The following TAFA5 variants were observed in gnomAD, a reference collection of about 807,000 sequenced individuals.
TAFA5 encodes TAFA chemokine like family member 5.
In TAFA5, 6 loss-of-function variants were observed where a neutral mutation model predicts 15.3. The ratio of observed to expected loss-of-function variants is 0.39; its 90% CI spans 0.21 to 0.77. TAFA5 has a LOEUF of 0.77. Among genes scored for constraint, TAFA5 ranks in the 30% least tolerant of loss-of-function variants. TAFA5 has a pLI of 0.41. For synonymous variants in TAFA5, 103 were observed against 80.7 expected, an observed-to-expected ratio of 1.28 and a Z score of -1.48; for missense variants, 161 against 193.1, an observed-to-expected ratio of 0.83 and a Z score of 0.98.
chr22:48,505,406 A>G (rs1920984359), intron 1 of TAFA5, among the ~76,000 whole-genome samples: 1 of 152,144 alleles, frequency 6.6e-6, no homozygotes, highest in South Asian at 2.1e-4. Context: ...GGCAGGCTTC[A>G]TGGGCCCCCT....
chr22:48,693,206 C>T, intron 2 of TAFA5: 2 of 1,285,774 alleles, frequency 1.6e-6, no homozygotes, highest in South Asian at 1.4e-5. Context: ...AGTGACGGGG[C>T]CTCACTCGTC....
chr22:48,646,556 G>A lies in TAFA5; in HGVS notation c.113-41G>A, dbSNP rs775622012. On this transcript the variant is annotated intron_variant, in intron 1 of 3. Transcript: ENST00000402357. ...GGTGGGCTCTGGCTGTGGGGTGTCTGTAACGTGTGGCCGCTCAGTCGCTTC... is the reference window on the plus strand; with the variant it reads ...GGTGGGCTCTGGCTGTGGGGTGTCTATAACGTGTGGCCGCTCAGTCGCTTC... 2.5e-6 allele frequency: 4 copies of A among 1,603,516 alleles called. No homozygotes were observed. In the South Asian group the frequency reaches 4.5e-5, roughly 18 times the overall value.
chr22:48,612,567 C>T (rs1476081075), intron 1 of TAFA5, among the ~76,000 whole-genome samples: 2 of 152,114 alleles, frequency 1.3e-5, no homozygotes, highest in Non-Finnish European at 2.9e-5. Context: ...CAGCAGCCCT[C>T]GCCTAATGGG....
intron 1 of TAFA5, among the ~76,000 whole-genome samples, chr22:48,597,724 C>T (rs1179216876): frequency 1.3e-5 from 2 of 152,256 alleles, no homozygotes; most frequent in Admixed American, 1.3e-4. Context: ...CCTTCATTGT[C>T]ATCCTTTCAG....
At chr22:48,725,242 G>A (rs146323499) in intron 3 of TAFA5, among the ~76,000 whole-genome samples, 1,749 of 152,274 alleles carry the variant, frequency 0.011, 31 homozygotes, top group African/African-American at 0.038. Context: ...CGAGCTCCCC[G>A]CCATGCCCCA....
chr22:48,571,786 G>C (rs1923602592), intron 1 of TAFA5, among the ~76,000 whole-genome samples: 1 of 151,568 alleles, frequency 6.6e-6, no homozygotes, highest in African/African-American at 2.4e-5. Context: ...AATGAAAGTT[G>C]GATGTTTAAT....
intron 1 of TAFA5, among the ~76,000 whole-genome samples, chr22:48,502,281 G>A (rs1306719241): frequency 2.6e-5 from 4 of 152,128 alleles, no homozygotes; most frequent in Non-Finnish European, 4.4e-5. Flanking sequence ...CAATGGGATT[G>A]GACTGGGAGA....
At chr22:48,496,060 G>C (rs1002713623) in intron 1 of TAFA5, among the ~76,000 whole-genome samples, 51 of 152,268 alleles carry the variant, frequency 3.3e-4, no homozygotes, top group Non-Finnish European at 4.8e-4. Flanking sequence ...AAATGCAGTG[G>C]ATGCAGGAAG....
intron 2 of TAFA5, among the ~76,000 whole-genome samples, chr22:48,703,010 G>A (rs1297914873): frequency 6.6e-6 from 1 of 152,278 alleles, no homozygotes; most frequent in Non-Finnish European, 1.5e-5. Flanking sequence ...GCTGAGAGCA[G>A]GCGAGAGTGT....
chr22:48,726,786 T>C (rs756949231), intron 3 of TAFA5, among the ~76,000 whole-genome samples: 18 of 152,200 alleles, frequency 1.2e-4, no homozygotes, highest in South Asian at 4.1e-4. Flanking sequence ...TATATGGCAT[T>C]TTCAAATAGC....
chr22:48,499,995 T>G (rs965991854), intron 1 of TAFA5, among the ~76,000 whole-genome samples: 1 of 152,144 alleles, frequency 6.6e-6, no homozygotes, highest in Non-Finnish European at 1.5e-5. Flanking sequence ...ACTCCATGTG[T>G]CTTAAACCAA....
At position 48,602,476 on chromosome 22, in the gene TAFA5, C is replaced by T. The variant is rs139986915; in HGVS notation, c.113-44121C>T. Among the ~76,000 whole-genome samples, 668 of 152,270 alleles carry T rather than the reference C, an allele frequency of 4.4e-3. 3 individuals are homozygous for T. Among genetic ancestry groups the T allele is most frequent in the African/African-American group, 0.014 (597 of 41,564 alleles). On this transcript the variant is annotated intron_variant, in intron 1 of 3. Transcript: ENST00000402357. ...GGATGGAACACGCCCAGGAGGCATCCGTGGAGGTGGGTCCATCAGCGTTTC... is the reference window on the plus strand; with the variant it reads ...GGATGGAACACGCCCAGGAGGCATCTGTGGAGGTGGGTCCATCAGCGTTTC...
chr22:48,583,420 CA>C (rs1924174019), intron 1 of TAFA5, among the ~76,000 whole-genome samples: 1 of 146,210 alleles, frequency 6.8e-6, no homozygotes, highest in Non-Finnish European at 1.5e-5. Flanking sequence ...ATACGCCACA[CA>C]CACACCACAC....
chr22:48,619,729 C>T (rs1925736855), intron 1 of TAFA5, among the ~76,000 whole-genome samples: 2 of 152,242 alleles, frequency 1.3e-5, no homozygotes, highest in African/African-American at 2.4e-5. Context: ...AGTCTGGCAG[C>T]ATGGGCGTCA....
intron 2 of TAFA5, chr22:48,693,369 C>G: frequency 1.9e-6 from 3 of 1,612,586 alleles, no homozygotes; most frequent in East Asian, 4.5e-5. Flanking sequence ...GTACCACCAC[C>G]GGGAATGGCC....
chr22:48,501,001 C>G (rs1171657272), intron 1 of TAFA5, among the ~76,000 whole-genome samples: 2 of 151,180 alleles, frequency 1.3e-5, no homozygotes, highest in East Asian at 3.9e-4. Flanking sequence ...ATGGGCATGG[C>G]CACTGTGTCC....
chr22:48,750,504 G>T lies in TAFA5; in HGVS notation c.*657G>T, dbSNP rs1837097764. 6.6e-6 allele frequency: 1 copy of T among 152,660 alleles called. No individual in the cohort carries two copies. The highest frequency in any genetic ancestry group is 1.9e-4 in the East Asian group (1 of 5,166). 9.5% of individuals were successfully genotyped at this position (152,660 alleles called of 1,614,324 possible). The stretch of plus-strand genomic sequence containing the variant: ...CACCCCGCGCACCCTCGGAGGACGG[G>T]CTTCGGCTGCGCGGAGGCCGTGGCA... On this transcript the variant is annotated 3_prime_UTR_variant, in exon 4 of 4. Transcript: ENST00000402357.
chr22:48,657,549 A>G (rs1368749630), intron 2 of TAFA5, among the ~76,000 whole-genome samples: 2 of 152,226 alleles, frequency 1.3e-5, no homozygotes, highest in African/African-American at 4.8e-5. Flanking sequence ...TTGCCCTAAT[A>G]CCAAAGTATC....
At chr22:48,734,284 G>A (rs79730054) in intron 3 of TAFA5, among the ~76,000 whole-genome samples, 1,788 of 152,356 alleles carry the variant, frequency 0.012, 27 homozygotes, top group African/African-American at 0.032. Context: ...CATAGACGCT[G>A]ACATGGGGAG....
Sources: allele counts gnomAD v4.1 joint callset (sites outside exome capture counted in the v4.1 genomes callset), GRCh38; gene constraint gnomAD v4.1.1; transcripts MANE v1.5; gene names NCBI Gene and HGNC (gene_info 2026-07-23, HGNC 2026-07-21).